The following TRAK1 variants were observed in gnomAD, a reference collection of about 807,000 sequenced individuals.
TRAK1 encodes trafficking kinesin protein 1, also known as trafficking kinesin-binding protein 1.
In TRAK1, 33 loss-of-function variants were observed where a neutral mutation model predicts 92.1. That is an observed-to-expected ratio of 0.36 (90% CI 0.27 to 0.48). TRAK1 has a LOEUF of 0.48. Among genes scored for constraint, TRAK1 ranks in the 20% least tolerant of loss-of-function variants. TRAK1 has a pLI of 0.99. For synonymous variants in TRAK1, 521 were observed against 517.3 expected (o/e 1.01, Z -0.10); for missense variants, 1,123 against 1,257.9 (o/e 0.89, Z 1.62).
chr3:42,169,943 G>C (rs1702342684), intron 2 of TRAK1, among the ~76,000 whole-genome samples: 1 of 152,240 alleles, frequency 6.6e-6, no homozygotes, highest in African/African-American at 2.4e-5. Context: ...GGAAGAGCAG[G>C]AAATTCCCAG....
chr3:42,029,122 A>G (rs1475533257), intron 1 of TRAK1, among the ~76,000 whole-genome samples: 2 of 152,106 alleles, frequency 1.3e-5, no homozygotes, highest in East Asian at 3.9e-4. Context: ...ACACTTTTAA[A>G]CAGTACCAAG....
intron 1 of TRAK1, among the ~76,000 whole-genome samples, chr3:42,110,795 C>G (rs1708288805): frequency 6.6e-6 from 1 of 152,172 alleles, no homozygotes; most frequent in African/African-American, 2.4e-5. Flanking sequence ...AGTGAAGGTC[C>G]TGGCCGCTCT....
At chr3:42,061,329 C>T (rs1402812113) in intron 1 of TRAK1, among the ~76,000 whole-genome samples, 1 of 135,378 alleles carries the variant, frequency 7.4e-6, no homozygotes, top group African/African-American at 2.7e-5. Flanking sequence ...CACACCCCCC[C>T]ATGCACACCC....
intron 1 of TRAK1, among the ~76,000 whole-genome samples, chr3:42,074,488 A>G (rs1704063784): frequency 6.6e-6 from 1 of 152,226 alleles, no homozygotes; most frequent in South Asian, 2.1e-4. Context: ...AAGGCCCTTC[A>G]TGAGCGAGCT....
chr3:42,114,395 G>A (rs1484094086), intron 1 of TRAK1, among the ~76,000 whole-genome samples: 1 of 152,194 alleles, frequency 6.6e-6, no homozygotes, highest in Admixed American at 6.5e-5. Flanking sequence ...TGAGGAACCT[G>A]GTTATGCATG....
chr3:42,052,294 A>G (rs1199420062), intron 1 of TRAK1, among the ~76,000 whole-genome samples: 1 of 152,204 alleles, frequency 6.6e-6, no homozygotes, highest in East Asian at 1.9e-4. Flanking sequence ...AGAAATGCAA[A>G]TTCTTGGGTC....
In TRAK1 at chr3:42,222,948, C is replaced by T. The variant is rs775641736; in HGVS notation, c.2073C>T (p.Asn691=). 5 of 1,612,362 alleles carry T rather than the reference C, an allele frequency of 3.1e-6. No homozygotes were observed. In the African/African-American group the frequency reaches 6.7e-5, roughly 22 times the overall value. ...DELTRVTPSL[N]SAPTPACGST... The stretch of plus-strand genomic sequence containing the variant: ...CTGTCATTTCTTCTTTCAGCCTTAA[C>T]TCAGCCCCAACTCCAGCTTGTGGCA... The change falls in exon 16 of 16, where the codon AAC becomes AAT. Residue 691 remains asparagine (N), a synonymous_variant. Transcript: ENST00000327628.
chr3:42,084,095 G>GT (rs1367191513), upstream of TRAK1, among the ~76,000 whole-genome samples: 3 of 151,952 alleles, frequency 2.0e-5, no homozygotes, highest in Admixed American at 6.6e-5. Context: ...ATTTAAAGGT[G>GT]TAAGTCTTCA....
At chr3:42,052,939 T>A (rs1703039767) in intron 1 of TRAK1, among the ~76,000 whole-genome samples, 1 of 152,002 alleles carries the variant, frequency 6.6e-6, no homozygotes, top group Admixed American at 6.6e-5. Context: ...GCATTTGGAG[T>A]TGTTGGTGCT....
intron 2 of TRAK1, among the ~76,000 whole-genome samples, chr3:42,176,535 C>G (rs955871090): frequency 2.0e-5 from 3 of 152,184 alleles, no homozygotes; most frequent in African/African-American, 7.2e-5. Context: ...CCCTTCCACT[C>G]CATTGCTTCA....
intron 12 of TRAK1, among the ~76,000 whole-genome samples, chr3:42,201,871 GACGGACAGACGGACACAC>G (rs1192739757): frequency 4.8e-5 from 6 of 125,492 alleles, no homozygotes; most frequent in African/African-American, 2.0e-4. Context: ...CGGACGGACG[GACGGACAGACGGACACAC>G]ACACACACAC....
At chr3:42,155,433 C>G (rs1203557259) in intron 2 of TRAK1, among the ~76,000 whole-genome samples, 1 of 152,156 alleles carries the variant, frequency 6.6e-6, no homozygotes, top group South Asian at 2.1e-4. Context: ...TCAAAATAAT[C>G]CTTATGTCAA....
intron 2 of TRAK1, among the ~76,000 whole-genome samples, chr3:42,156,814 G>C (rs1470545046): frequency 6.6e-6 from 1 of 152,132 alleles, no homozygotes; most frequent in Admixed American, 6.6e-5. Context: ...GAAACCAAAT[G>C]ATCAAAGTAA....
At chr3:42,142,131 T>C (rs1698742698) in intron 2 of TRAK1, among the ~76,000 whole-genome samples, 1 of 152,080 alleles carries the variant, frequency 6.6e-6, no homozygotes, top group Non-Finnish European at 1.5e-5. Flanking sequence ...GACTCTGTCT[T>C]AAAAAACAAA....
intron 1 of TRAK1, among the ~76,000 whole-genome samples, chr3:42,017,966 G>C (rs767609981): frequency 1.5e-4 from 22 of 151,632 alleles, no homozygotes; most frequent in South Asian, 1.2e-3. Flanking sequence ...AATAGAGACA[G>C]GTTCTTGCTA....
At chr3:42,183,597 A>G (rs913071998) in intron 3 of TRAK1, among the ~76,000 whole-genome samples, 2 of 151,000 alleles carry the variant, frequency 1.3e-5, no homozygotes, top group African/African-American at 4.9e-5. Flanking sequence ...TCTGTAGTGT[A>G]CTTTATCCCT....
At chr3:42,105,047 C>A (rs896186476) in intron 1 of TRAK1, among the ~76,000 whole-genome samples, 1 of 150,730 alleles carries the variant, frequency 6.6e-6, no homozygotes, top group Non-Finnish European at 1.5e-5. Flanking sequence ...TGCCTCCTGG[C>A]TTCAAGTGAG....
chr3:42,214,485 G>A (rs763076849), intron 14 of TRAK1, among the ~76,000 whole-genome samples: 11 of 152,302 alleles, frequency 7.2e-5, no homozygotes, highest in African/African-American at 2.6e-4. Flanking sequence ...CCCTTTGGAC[G>A]TTTTAATAGC....
intron 1 of TRAK1, among the ~76,000 whole-genome samples, chr3:42,052,589 G>C (rs1703025971): frequency 6.6e-6 from 1 of 152,126 alleles, no homozygotes; most frequent in Admixed American, 6.5e-5. Flanking sequence ...CAAAAAGCAT[G>C]ATTCAGTCTT....
Sources: allele counts gnomAD v4.1 joint callset (sites outside exome capture counted in the v4.1 genomes callset), GRCh38; gene constraint gnomAD v4.1.1; transcripts MANE v1.5; gene names NCBI Gene and HGNC (gene_info 2026-07-23, HGNC 2026-07-21).